PLCB4: variants seen among roughly 807,000 people sequenced by gnomAD.
The protein encoded by PLCB4 is 1-phosphatidylinositol 4,5-bisphosphate phosphodiesterase beta-4.
Under a neutral mutation model 178.8 loss-of-function variants are expected in PLCB4, and 77 were observed. The observed-to-expected ratio is 0.43, with a 90% CI of 0.36 to 0.52. PLCB4 has a LOEUF of 0.52. Ranked by LOEUF, PLCB4 falls within the 20% of genes least tolerant of loss-of-function variation. The pLI is 0.00. For synonymous variants in PLCB4, 496 were observed against 490.8 expected, an observed-to-expected ratio of 1.01 and a Z score of -0.14; for missense variants, 1,024 against 1,453.4, an observed-to-expected ratio of 0.70 and a Z score of 4.80.
At chr20:9,108,813 A>G (rs894089548) in intron 2 of PLCB4, among the ~76,000 whole-genome samples, 5 of 152,020 alleles carry the variant, frequency 3.3e-5, no homozygotes, top group Middle Eastern at 3.4e-3. Flanking sequence ...AACTTGGAAT[A>G]ACATGGGGGA....
At chr20:9,189,498 G>A in intron 2 of PLCB4, among the ~76,000 whole-genome samples, 1 of 151,200 alleles carries the variant, frequency 6.6e-6, no homozygotes, top group Admixed American at 6.6e-5. Flanking sequence ...GACATTCTGG[G>A]TTGGTTAACT....
intron 2 of PLCB4, among the ~76,000 whole-genome samples, chr20:9,173,517 T>C (rs1244744048): frequency 1.3e-5 from 2 of 152,192 alleles, no homozygotes; most frequent in Non-Finnish European, 2.9e-5. Context: ...CTTACACTTC[T>C]TGATGTTGGT....
At chr20:9,282,830 G>T (rs2147705140) in intron 3 of PLCB4, among the ~76,000 whole-genome samples, 1 of 152,162 alleles carries the variant, frequency 6.6e-6, no homozygotes, top group African/African-American at 2.4e-5. Context: ...CAGCCAGGAG[G>T]ACTGGATTGA....
intron 3 of PLCB4, among the ~76,000 whole-genome samples, chr20:9,289,875 A>T (rs2094565717): frequency 6.6e-6 from 1 of 152,130 alleles, no homozygotes; most frequent in African/African-American, 2.4e-5. Context: ...ATAACTTCAA[A>T]AGAGTATGTA....
At chr20:9,429,829 G>A (rs996208840) in intron 28 of PLCB4, among the ~76,000 whole-genome samples, 1 of 152,150 alleles carries the variant, frequency 6.6e-6, no homozygotes, top group African/African-American at 2.4e-5. Flanking sequence ...TGAGCCCTTT[G>A]CACTTTGGCA....
chr20:9,443,092 G>T (rs770301234), intron 30 of PLCB4, among the ~76,000 whole-genome samples: 1 of 152,090 alleles, frequency 6.6e-6, no homozygotes, highest in African/African-American at 2.4e-5. Context: ...ACCTGGCCTA[G>T]CATCACTCAG....
At chr20:9,183,059 T>C (rs1250736429) in intron 2 of PLCB4, among the ~76,000 whole-genome samples, 1 of 152,088 alleles carries the variant, frequency 6.6e-6, no homozygotes, top group African/African-American at 2.4e-5. Context: ...TCTGTGTCTA[T>C]TAAACTACAG....
At chr20:9,158,213 C>T (rs955987927) in intron 2 of PLCB4, among the ~76,000 whole-genome samples, 2 of 151,992 alleles carry the variant, frequency 1.3e-5, no homozygotes, top group African/African-American at 4.8e-5. Flanking sequence ...ATACAGATAC[C>T]ATCTGCATGC....
At chr20:9,426,405 T>A (rs1164738103) in intron 28 of PLCB4, among the ~76,000 whole-genome samples, 1 of 152,040 alleles carries the variant, frequency 6.6e-6, no homozygotes, top group Non-Finnish European at 1.5e-5. Context: ...TGAGACGGAG[T>A]TTTGCTCTTG....
chr20:9,127,672 A>G (rs958622235), intron 2 of PLCB4, among the ~76,000 whole-genome samples: 2 of 148,320 alleles, frequency 1.3e-5, no homozygotes, highest in African/African-American at 5.0e-5. Flanking sequence ...CTATCTATCT[A>G]TCTATCTATC....
Position 9,471,329 on chromosome 20 carries a change from C to G in PLCB4, c.3351-1461C>G, listed in dbSNP as rs2044175556. Among the ~76,000 whole-genome samples, 2 of 151,262 alleles carry G rather than the reference C, an allele frequency of 1.3e-5. 1 individual carries two copies. Among genetic ancestry groups the G allele is most frequent in the Admixed American group, 1.3e-4 (2 of 15,198 alleles). ...AAATACTGAAATAGAAAACAAAATG[C>G]AATAGAGAACATTCAGAAAAACAAA... On this transcript the variant is annotated intron_variant, in intron 36 of 39. Coordinates refer to ENST00000378473, the MANE Select transcript of PLCB4 (RefSeq NM_001377142.1).
chr20:9,248,027 C>G (rs2094142895), intron 3 of PLCB4, among the ~76,000 whole-genome samples: 1 of 152,090 alleles, frequency 6.6e-6, no homozygotes, highest in African/African-American at 2.4e-5. Context: ...AGAATCAATG[C>G]ATGTGTCCTG....
At chr20:9,091,219 TA>T (rs11475686) in intron 1 of PLCB4, among the ~76,000 whole-genome samples, 72,080 of 150,416 alleles carry the variant, frequency 0.48, 17,810 homozygotes, top group Middle Eastern at 0.56. Flanking sequence ...ATGGTAGCTT[TA>T]AAAAAAAAAC....
In PLCB4 at chr20:9,384,197, CT is replaced by C; in HGVS notation, c.854-3del. Reference sequence around the variant, plus strand: ...GTGCTACTAAGATGTTCTTTTTCCCCTAGGCCTTATATCAAGTGATGGGTTT... The same window carrying C: ...GTGCTACTAAGATGTTCTTTTTCCCCAGGCCTTATATCAAGTGATGGGTTT... On this transcript the variant is annotated splice_region_variant and splice_polypyrimidine_tract_variant and intron_variant, in intron 13 of 39. Coordinates refer to ENST00000378473, the MANE Select transcript of PLCB4 (RefSeq NM_001377142.1). 1 of 1,608,412 alleles carries C rather than the reference CT, an allele frequency of 6.2e-7. No homozygotes were observed. Among genetic ancestry groups the C allele is most frequent in the Non-Finnish European group, 8.5e-7 (1 of 1,174,828 alleles).
intron 2 of PLCB4, among the ~76,000 whole-genome samples, chr20:9,116,567 T>C (rs2091786024): frequency 6.6e-6 from 1 of 152,226 alleles, no homozygotes; most frequent in Non-Finnish European, 1.5e-5. Context: ...TGCAGACATC[T>C]GCCCTTAGGC....
chr20:9,328,257 A>C (rs2031036856), intron 4 of PLCB4, among the ~76,000 whole-genome samples: 1 of 152,208 alleles, frequency 6.6e-6, no homozygotes, highest in South Asian at 2.1e-4. Flanking sequence ...GCAATGTAGA[A>C]AACACAAGTT....
chr20:9,335,415 A>G (rs2032315339), intron 4 of PLCB4, among the ~76,000 whole-genome samples: 1 of 152,204 alleles, frequency 6.6e-6, no homozygotes, highest in South Asian at 2.1e-4. Context: ...TCTGCCTGGC[A>G]TGAAGATTCA....
chr20:9,444,290 A>T (rs747825866), intron 32 of PLCB4, 47 bp downstream of exon 32: 1 of 1,145,870 alleles, frequency 8.7e-7, no homozygotes, highest in African/African-American at 1.6e-5. Context: ...TGGATGAATC[A>T]TTTGTAGCCA....
intron 26 of PLCB4, 94 bp downstream of exon 26, chr20:9,420,003 C>T (rs2040514709): frequency 1.3e-6 from 1 of 741,920 alleles, no homozygotes; most frequent in Non-Finnish European, 2.3e-6. Context: ...TTGCAAGATC[C>T]ATGTGCTGCT....
Sources: gnomAD v4.1 joint callset for allele counts (sites outside exome capture counted in the v4.1 genomes callset) on GRCh38, gnomAD v4.1.1 for gene constraint, MANE v1.5 for transcripts, NCBI Gene and HGNC (gene_info 2026-07-23, HGNC 2026-07-21) for gene names.